The following KLC4 variants were observed in gnomAD, a reference collection of about 807,000 sequenced individuals.
KLC4 encodes the protein kinesin light chain 4.
KLC4 carries 49 observed loss-of-function variants against 77.2 expected under a neutral mutation model. That is an observed-to-expected ratio of 0.63 (90% confidence interval 0.50 to 0.80). The LOEUF (loss-of-function observed/expected upper bound fraction) is 0.80, where lower values mean the gene tolerates loss of function less well. Ranked by LOEUF, KLC4 falls within the 30% of genes least tolerant of loss-of-function variation. The pLI is 0.00. For missense variants in KLC4, 669 were observed against 793.5 expected, an observed-to-expected ratio of 0.84 and a Z score of 1.89; for synonymous variants, 274 against 314.5, an observed-to-expected ratio of 0.87 and a Z score of 1.36.
intron 2 of KLC4, chr6:43,062,673 CA>C: frequency 1.8e-6 from 1 of 549,754 alleles, no homozygotes; most frequent in South Asian, 2.1e-5. Context: ...GAAACGAGGC[CA>C]GTGAGGAAGT....
chr6:43,060,127 C>G, intron 1 of KLC4: 1 of 1,587,296 alleles, frequency 6.3e-7, no homozygotes, highest in South Asian at 1.2e-5. Context: ...CCATTCTTTC[C>G]TGCATCATCG....
chr6:43,070,989 T>G, intron 8 of KLC4, 124 bp downstream of exon 8: 1 of 867,158 alleles, frequency 1.2e-6, no homozygotes, highest in Non-Finnish European at 1.7e-6. Flanking sequence ...TCTGGCACAC[T>G]GCTCTCATCA....
In KLC4 at chr6:43,066,912, T is replaced by G; in HGVS notation, c.792-84T>G. The G allele has an allele frequency of 6.5e-6, 10 of 1,547,052 alleles. No individual in the cohort carries two copies. The South Asian group carries it at 1.2e-4, about 19-fold the overall frequency. ...CTCATGGAGGTCTCCAATCCTTAAA[T>G]GTACTCAGTCCTTCCAAAGGGAAGG... On this transcript the variant is annotated intron_variant, in intron 5 of 15. Transcript: ENST00000347162.
chr6:43,068,602 G>C (rs1411443544), intron 6 of KLC4, among the ~76,000 whole-genome samples: 7 of 151,960 alleles, frequency 4.6e-5, no homozygotes, highest in Admixed American at 4.6e-4. Flanking sequence ...GAGGTCAGGA[G>C]TTTGAGACCA....
At chr6:43,059,970 C>A (rs1765056172) in intron 1 of KLC4, 1 of 1,348,330 alleles carries the variant, frequency 7.4e-7, no homozygotes, top group African/African-American at 1.5e-5. Context: ...CACCTCCCCC[C>A]TGCCGCCCCC....
At position 43,066,482 on chromosome 6, in the gene KLC4, C is replaced by G. The variant is rs373940349; in HGVS notation, c.748C>G (p.Pro250Ala). The G allele has an allele frequency of 6.2e-7, 1 of 1,613,758 alleles. No homozygotes were observed. The highest frequency in any genetic ancestry group is 1.7e-5 in the Admixed American group (1 of 59,990). Reference protein sequence around the residue: ...DLERTSGRGHPDVATMLNILA... With the variant: ...DLERTSGRGHADVATMLNILA... ...GGAGCGCACATCAGGCCGTGGCCAC[C>G]CTGATGTCGCCACCATGCTCAACAT... Residue 250 changes from proline to alanine, a missense_variant, in exon 5 of 16, where the codon CCT (proline) becomes GCT (alanine). Physicochemically the swap from Pro to Ala is conservative, Grantham distance 27. Transcript: ENST00000347162.
intron 5 of KLC4, 92 bp from the exon 6 acceptor site, chr6:43,066,904 T>A (rs1044640612): frequency 3.3e-6 from 5 of 1,534,266 alleles, no homozygotes; most frequent in East Asian, 4.6e-5. Context: ...AGGTCTCCAA[T>A]CCTTAAATGT....
chr6:43,071,634 G>A lies in KLC4; in HGVS notation c.1308+15G>A, dbSNP rs1225925041. 2 of 1,612,334 alleles carry A rather than the reference G, an allele frequency of 1.2e-6. No individual in the cohort carries two copies. Among genetic ancestry groups the A allele is most frequent in the Admixed American group, 3.3e-5 (2 of 59,942 alleles). On this transcript the variant is annotated intron_variant, in intron 10 of 15. Coordinates refer to ENST00000347162, the MANE Select transcript of KLC4 (RefSeq NM_201521.3). ...AAATGAGCAAAGTGAGTGGGGGGAA[G>A]GGGGGCCAGCCTGGGGAGCTCAAGG...
chr6:43,065,037 G>T (rs1331884390), intron 3 of KLC4, among the ~76,000 whole-genome samples: 4 of 152,024 alleles, frequency 2.6e-5, no homozygotes, highest in African/African-American at 2.4e-5. Flanking sequence ...AAGAGTTAAG[G>T]CAAGATTGAG....
Position 43,074,111 on chromosome 6 carries a change from G to A in KLC4, c.1809+146G>A, listed in dbSNP as rs1765861526. 5 of 633,876 alleles carry A rather than the reference G, an allele frequency of 7.9e-6. No homozygotes were observed. In the Admixed American group the frequency reaches 1.6e-4, roughly 21 times the overall value. The allele number at this position is 633,876 out of a possible 1,614,324, so 39.3% of individuals were successfully genotyped here. On this transcript the variant is annotated intron_variant, in intron 15 of 15. Coordinates refer to ENST00000347162, the MANE Select transcript of KLC4 (RefSeq NM_201521.3). ...GGGATTGCAGTCATTAAGGAATCAG[G>A]CAGATAGCTTGTGGTGAGTGCTGAC...
At chr6:43,067,372 A>T in intron 6 of KLC4, 1 of 480,772 alleles carries the variant, frequency 2.1e-6, no homozygotes, top group African/African-American at 2.0e-5. Flanking sequence ...TGCTACTCTA[A>T]TAAATATAAA....
rs1765088835 is a variant in KLC4, at chr6:43,060,458, G to A, written c.-26+773G>A. The A allele has an allele frequency of 7.1e-6, 10 of 1,411,682 alleles. No individual in the cohort carries two copies. The South Asian group carries it at 1.4e-4, about 20-fold the overall frequency. The allele number at this position is 1,411,682 out of a possible 1,614,324, so 87.4% of individuals were successfully genotyped here. Reference sequence around the variant, plus strand: ...GGTGGGGCTCTGGGCCAGGTCCTCTGGGTAGCTGTGAAGTGGTGAAAGAAG... The same window carrying A: ...GGTGGGGCTCTGGGCCAGGTCCTCTAGGTAGCTGTGAAGTGGTGAAAGAAG... On this transcript the variant is annotated intron_variant, in intron 1 of 15. Transcript: ENST00000347162.
chr6:43,072,081 G>A (rs1479006491), intron 11 of KLC4, 66 bp from the exon 12 acceptor site: 9 of 1,464,784 alleles, frequency 6.1e-6, no homozygotes, highest in Non-Finnish European at 8.6e-6. Flanking sequence ...TGTCTTGCTT[G>A]GAAGACAAAT....
intron 1 of KLC4, chr6:43,060,432 G>A: frequency 6.9e-7 from 1 of 1,454,204 alleles, no homozygotes. Flanking sequence ...TGTTTGTCCT[G>A]GGTGGGGCTC....
intron 8 of KLC4, 28 bp from the exon 9 acceptor site, chr6:43,071,247 C>A: frequency 2.2e-6 from 3 of 1,367,588 alleles, no homozygotes; most frequent in South Asian, 1.2e-5. Flanking sequence ...ATGTTTTGTT[C>A]CTGTATTTTT....
At chr6:43,063,228 C>T in intron 3 of KLC4, 81 bp downstream of exon 3, 1 of 1,095,636 alleles carries the variant, frequency 9.1e-7, no homozygotes, top group African/African-American at 1.5e-5. Flanking sequence ...CCCCATCATC[C>T]TCAGGGTCCA....
At chr6:43,067,284 A>G (rs994364640) in intron 6 of KLC4, 2 of 1,237,380 alleles carry the variant, frequency 1.6e-6, no homozygotes, top group African/African-American at 1.5e-5. Context: ...ACTCCTTTTT[A>G]TAACAAATAT....
At chr6:43,071,499 T>A (rs1254598813) in intron 9 of KLC4, 68 bp from the exon 10 acceptor site, 1 of 1,576,052 alleles carries the variant, frequency 6.3e-7, no homozygotes, top group African/African-American at 1.3e-5. Context: ...TGTCAGCCTC[T>A]GGGTCCTGGC....
At chr6:43,071,669 T>C (rs1475557531) in intron 10 of KLC4, 50 bp downstream of exon 10, 1 of 1,579,012 alleles carries the variant, frequency 6.3e-7, no homozygotes, top group Non-Finnish European at 8.7e-7. Context: ...GCTACCGGGG[T>C]CTCTGTCTTA....
Sources: gnomAD v4.1 joint callset for allele counts (sites outside exome capture counted in the v4.1 genomes callset) on GRCh38, gnomAD v4.1.1 for gene constraint, MANE v1.5 for transcripts, NCBI Gene and HGNC (gene_info 2026-07-23, HGNC 2026-07-21) for gene names.